JMJD1C: variants seen among roughly 807,000 people sequenced by gnomAD.
JMJD1C encodes the protein jumonji domain-containing protein 1C.
Under a neutral mutation model 245.3 loss-of-function variants are expected in JMJD1C, and 31 were observed. The observed-to-expected ratio is 0.13, with a 90% CI of 0.09 to 0.17. The LOEUF (loss-of-function observed/expected upper bound fraction) is 0.17, where lower values mean the gene tolerates loss of function less well. Among genes scored for constraint, JMJD1C ranks in the 10% least tolerant of loss-of-function variants. The probability of loss-of-function intolerance (pLI) is 1.00; values close to 1 mark genes in which losing one functional copy is unlikely to be tolerated. For synonymous variants in JMJD1C, 1,057 were observed against 1,017.4 expected, an observed-to-expected ratio of 1.04 and a Z score of -0.74; for missense variants, 2,691 against 3,000.2, an observed-to-expected ratio of 0.90 and a Z score of 2.41.
chr10:63,403,622 CCTTT>C (rs993083137), intron 1 of JMJD1C, among the ~76,000 whole-genome samples: 1 of 152,172 alleles, frequency 6.6e-6, no homozygotes, highest in Non-Finnish European at 1.5e-5. Context: ...CATTGGTTTT[CCTTT>C]CTTTTTTCCA....
intron 2 of JMJD1C, among the ~76,000 whole-genome samples, chr10:63,346,769 C>CA (rs1444177592): frequency 6.6e-6 from 1 of 152,130 alleles, no homozygotes; most frequent in East Asian, 1.9e-4. Flanking sequence ...TTTCTTTTAA[C>CA]AGTCTATTGG....
Position 63,425,625 on chromosome 10 carries a change from T to TA in JMJD1C, c.168+39869dup, listed in dbSNP as rs112607722. Among the ~76,000 whole-genome samples, 19 of 151,458 alleles carry TA rather than the reference T, an allele frequency of 1.3e-4. No individual in the cohort carries two copies. The East Asian group carries it at 2.9e-3, about 23-fold the overall frequency. On this transcript the variant is annotated intron_variant, in intron 1 of 25. Coordinates refer to ENST00000399262, the MANE Select transcript of JMJD1C (RefSeq NM_032776.3). ...GGCGAGATCCCATCTCTACAAAAAA[T>TA]AAAAAAAATTAGCCAGGCATGGTTG...
chr10:63,344,832 C>G (rs1335868301), intron 2 of JMJD1C, among the ~76,000 whole-genome samples: 1 of 152,112 alleles, frequency 6.6e-6, no homozygotes, highest in Non-Finnish European at 1.5e-5. Context: ...CACTACATAT[C>G]TAACAGTATG....
At chr10:63,183,811 G>A (rs929097312) in intron 21 of JMJD1C, among the ~76,000 whole-genome samples, 4 of 152,030 alleles carry the variant, frequency 2.6e-5, no homozygotes, top group Non-Finnish European at 4.4e-5. Flanking sequence ...TCAATAAGCA[G>A]GTACTTAACT....
At chr10:63,222,331 T>C (rs1848694153) in intron 3 of JMJD1C, 4 of 1,335,266 alleles carry the variant, frequency 3.0e-6, no homozygotes. Context: ...ACAGTAAAGA[T>C]GCACTGCATT....
chr10:63,252,430 C>T (rs1326258094), intron 3 of JMJD1C, among the ~76,000 whole-genome samples: 1 of 151,060 alleles, frequency 6.6e-6, no homozygotes, highest in Non-Finnish European at 1.5e-5. Context: ...AGAAAAAAGA[C>T]TAAGGTCTCT....
In JMJD1C at chr10:63,217,201, A is replaced by T. The variant is rs368077209; in HGVS notation, c.678+6T>A. ...TCTCTATAAAAATATTAGTGGAACT[A>T]TTTACCTGATCATTCATAACGATCA... On this transcript the variant is annotated splice_donor_region_variant and intron_variant, in intron 5 of 25. Transcript: ENST00000399262. 3 of 1,605,418 alleles carry T rather than the reference A, an allele frequency of 1.9e-6. No homozygotes were observed. The highest frequency in any genetic ancestry group is 2.5e-6 in the Non-Finnish European group (3 of 1,177,100).
At chr10:63,175,822 G>A (rs1276864186) in intron 24 of JMJD1C, among the ~76,000 whole-genome samples, 17 of 151,814 alleles carry the variant, frequency 1.1e-4, no homozygotes, top group Non-Finnish European at 4.4e-5. Flanking sequence ...GAAAAATTAG[G>A]TATTTTAAAC....
At chr10:63,436,493 T>A (rs1951065162) in intron 1 of JMJD1C, among the ~76,000 whole-genome samples, 1 of 152,166 alleles carries the variant, frequency 6.6e-6, no homozygotes, top group African/African-American at 2.4e-5. Context: ...TACCTTGAAA[T>A]CTGAACAGCA....
chr10:63,232,618 C>G (rs1002153465), intron 3 of JMJD1C, among the ~76,000 whole-genome samples: 4 of 151,944 alleles, frequency 2.6e-5, no homozygotes, highest in African/African-American at 9.7e-5. Flanking sequence ...TCAGGGATCT[C>G]TCCTTGGAAC....
intron 1 of JMJD1C, among the ~76,000 whole-genome samples, chr10:63,519,093 C>G (rs1955119203): frequency 6.6e-6 from 1 of 152,154 alleles, no homozygotes; most frequent in Admixed American, 6.5e-5. Flanking sequence ...TGGTTTCCAA[C>G]CCATGGCCTA....
intron 2 of JMJD1C, among the ~76,000 whole-genome samples, chr10:63,304,537 T>G (rs1189676133): frequency 6.6e-6 from 1 of 152,224 alleles, no homozygotes; most frequent in Non-Finnish European, 1.5e-5. Context: ...TAATAAACTC[T>G]TGTTTTTTGG....
chr10:63,465,723 C>G lies in JMJD1C; in HGVS notation c.-61G>C. On this transcript the variant is annotated 5_prime_UTR_variant, in exon 1 of 26. Coordinates refer to ENST00000399262, the MANE Select transcript of JMJD1C (RefSeq NM_032776.3). The stretch of plus-strand genomic sequence containing the variant: ...GTGCGAGGGAACCGATGAAACCTCA[C>G]TCCTACCGGCCGCTCATGCTGAGGA... 6.3e-7 allele frequency: 1 copy of G among 1,576,630 alleles called. No homozygotes were observed. Among genetic ancestry groups the G allele is most frequent in the Non-Finnish European group, 8.6e-7 (1 of 1,160,266 alleles).
intron 1 of JMJD1C, among the ~76,000 whole-genome samples, chr10:63,482,105 C>T (rs910921186): frequency 2.6e-5 from 4 of 152,234 alleles, no homozygotes; most frequent in Admixed American, 2.6e-4. Context: ...GAAAGGAGTA[C>T]AGAAGGTTCT....
chr10:63,263,869 T>C (rs1202889678), intron 3 of JMJD1C, among the ~76,000 whole-genome samples: 2 of 149,816 alleles, frequency 1.3e-5, no homozygotes, highest in East Asian at 3.9e-4. Context: ...GAGGCGGAAG[T>C]TGCAGTGAAC....
At chr10:63,485,820 A>T (rs1473689907) in intron 1 of JMJD1C, among the ~76,000 whole-genome samples, 1 of 152,184 alleles carries the variant, frequency 6.6e-6, no homozygotes, top group East Asian at 1.9e-4. Context: ...CAAAGGGCCT[A>T]CTGTATGCCA....
chr10:63,477,839 A>G (rs1564959885), intron 1 of JMJD1C, among the ~76,000 whole-genome samples: 1 of 152,224 alleles, frequency 6.6e-6, no homozygotes, highest in Non-Finnish European at 1.5e-5. Context: ...TATCTGATAG[A>G]GGATTAATAT....
rs377147812 is a variant in JMJD1C, at chr10:63,454,167, C to T, written c.168+11328G>A. 1.1e-3 allele frequency among the ~76,000 whole-genome samples: 162 copies of T among 152,236 alleles called. 1 individual carries two copies. The highest frequency in any genetic ancestry group is 3.8e-3 in the African/African-American group (159 of 41,530). ...CACTTTTTGCAATGATGGAAATTTT[C>T]TATATTTGTACTATCTGAGACTGTG... On this transcript the variant is annotated intron_variant, in intron 1 of 25. Coordinates refer to ENST00000399262, the MANE Select transcript of JMJD1C (RefSeq NM_032776.3).
Position 63,214,828 on chromosome 10 carries a change from C to G in JMJD1C, c.1339G>C (p.Glu447Gln). 6.2e-7 allele frequency: 1 copy of G among 1,613,794 alleles called. No individual in the cohort carries two copies. Among genetic ancestry groups the G allele is most frequent in the Non-Finnish European group, 8.5e-7 (1 of 1,179,968 alleles). Residue 447 changes from glutamate to glutamine, a missense_variant, in exon 8 of 26, where the codon GAG (glutamate) becomes CAG (glutamine). Physicochemically the swap from Glu to Gln is conservative, Grantham distance 29. Coordinates refer to ENST00000399262, the MANE Select transcript of JMJD1C (RefSeq NM_032776.3). ...IQEDKKHEEAEKRKSVDTQLQ... is the reference protein window; with the variant it reads ...IQEDKKHEEAQKRKSVDTQLQ... ...TGAGTGTCAACAGACTTCCGCTTCT[C>G]TGCTTCTTCATGTTTTTTATCTTCC... is the stretch of plus-strand genomic sequence containing the variant.
Sources: gnomAD v4.1 joint callset for allele counts (sites outside exome capture counted in the v4.1 genomes callset) on GRCh38, gnomAD v4.1.1 for gene constraint, MANE v1.5 for transcripts, NCBI Gene and HGNC (gene_info 2026-07-23, HGNC 2026-07-21) for gene names.